The following LY75 variants were observed in gnomAD, a reference collection of about 807,000 sequenced individuals.
The protein encoded by LY75 is C-type lectin domain family 13 member B.
A neutral mutation model predicts 231.7 loss-of-function variants in LY75; 185 were observed. The ratio of observed to expected loss-of-function variants is 0.80; its 90% confidence interval spans 0.71 to 0.90. LY75 has a LOEUF of 0.90. Ranked by LOEUF, LY75 falls within the 40% of genes least tolerant of loss-of-function variation. LY75 has a pLI of 0.00. For missense variants in LY75, 1,947 were observed against 2,050.2 expected, an observed-to-expected ratio of 0.95 and a Z score of 0.97; for synonymous variants, 668 against 689.0, an observed-to-expected ratio of 0.97 and a Z score of 0.48.
Position 159,819,880 on chromosome 2 carries a change from AT to A in LY75, c.3998del (p.Tyr1333LeufsTer11), listed in dbSNP as rs1252504993. The A allele has an allele frequency of 6.2e-7, 1 of 1,613,462 alleles. No homozygotes were observed. Among genetic ancestry groups the A allele is most frequent in the African/African-American group, 1.3e-5 (1 of 74,888 alleles). On this transcript the variant is annotated frameshift_variant, in exon 29 of 35. Coordinates refer to ENST00000263636, the MANE Select transcript of LY75 (RefSeq NM_002349.4). LOFTEE classifies it high-confidence loss of function. ...TTGGTCTTCCTGCTCTCCAATGTGTATATGACAGTGGGGTCTTATCAAACCA... is the reference window on the plus strand; with the variant it reads ...TTGGTCTTCCTGCTCTCCAATGTGTAATGACAGTGGGGTCTTATCAAACCA... ...LMWFDKTPLS[Y>X]THWRAGRPTI... is the part of the protein sequence containing the mutation.
At chr2:159,894,703 A>G (rs116045487) in intron 2 of LY75, among the ~76,000 whole-genome samples, 12 of 152,306 alleles carry the variant, frequency 7.9e-5, no homozygotes, top group Admixed American at 1.3e-4. Flanking sequence ...AAGGCATGGT[A>G]ATTTGGGGTG....
At chr2:159,868,508 A>G (rs1201624881) in intron 13 of LY75, among the ~76,000 whole-genome samples, 1 of 152,218 alleles carries the variant, frequency 6.6e-6, no homozygotes, top group Non-Finnish European at 1.5e-5. Flanking sequence ...TATATTTTCC[A>G]AATTTTATAT....
chr2:159,827,658 C>A (rs187644254), intron 28 of LY75, among the ~76,000 whole-genome samples: 26 of 152,144 alleles, frequency 1.7e-4, no homozygotes, highest in Non-Finnish European at 5.9e-5. Flanking sequence ...TGTATGCACA[C>A]GTATGTTTAT....
chr2:159,837,831 A>G (rs1302468516), intron 25 of LY75, among the ~76,000 whole-genome samples: 2 of 152,148 alleles, frequency 1.3e-5, no homozygotes, highest in Admixed American at 6.5e-5. Context: ...ACATTCACTG[A>G]GGACTTGGTC....
At chr2:159,859,052 C>T (rs1684623225) in intron 15 of LY75, among the ~76,000 whole-genome samples, 1 of 152,124 alleles carries the variant, frequency 6.6e-6, no homozygotes, top group African/African-American at 2.4e-5. Flanking sequence ...AGAACACTGC[C>T]CTGGCTGGGC....
At chr2:159,830,733 C>A (rs1683627825) in intron 28 of LY75, among the ~76,000 whole-genome samples, 1 of 152,052 alleles carries the variant, frequency 6.6e-6, no homozygotes, top group Non-Finnish European at 1.5e-5. Flanking sequence ...AGGCACACGT[C>A]ACCATGCCTG....
At chr2:159,830,862 G>A (rs190974042) in intron 28 of LY75, among the ~76,000 whole-genome samples, 102 of 152,154 alleles carry the variant, frequency 6.7e-4, no homozygotes, top group Middle Eastern at 3.4e-3. Flanking sequence ...GATTACAGGC[G>A]TGGGACGCTA....
At chr2:159,836,606 A>G (rs1683836884) in intron 25 of LY75, among the ~76,000 whole-genome samples, 1 of 152,186 alleles carries the variant, frequency 6.6e-6, no homozygotes, top group Admixed American at 6.5e-5. Flanking sequence ...CTGCATCACT[A>G]GTTTATTTGA....
At position 159,893,566 on chromosome 2, in the gene LY75, A is replaced by G. The variant is rs535919269; in HGVS notation, c.637+348T>C. ...GCTTACTTCCTTCTGTTCATGCTTC[A>G]TTCCACTACAATCCAGCTTCTACCC... On this transcript the variant is annotated intron_variant, in intron 3 of 34. Coordinates refer to ENST00000263636, the MANE Select transcript of LY75 (RefSeq NM_002349.4). Among the ~76,000 whole-genome samples the G allele has an allele frequency of 2.6e-5, 4 of 152,226 alleles. No individual in the cohort carries two copies. In the South Asian group the frequency reaches 8.3e-4, roughly 32 times the overall value.
chr2:159,840,655 G>A, intron 25 of LY75, 74 bp downstream of exon 25: 2 of 1,588,686 alleles, frequency 1.3e-6, no homozygotes, highest in East Asian at 2.3e-5. Context: ...TTAGTCTGCT[G>A]TGAGAGAAGC....
chr2:159,899,175 C>G (rs1013999184), intron 1 of LY75, 116 bp from the exon 2 acceptor site: 2 of 1,502,718 alleles, frequency 1.3e-6, no homozygotes, highest in Non-Finnish European at 1.8e-6. Flanking sequence ...TGTTCCCACT[C>G]TTTTTAAGCT....
chr2:159,861,219 T>C (rs1684690989), intron 14 of LY75, among the ~76,000 whole-genome samples: 1 of 152,160 alleles, frequency 6.6e-6, no homozygotes, highest in Non-Finnish European at 1.5e-5. Context: ...GATTAACTAA[T>C]CTCAGATATG....
intron 7 of LY75, among the ~76,000 whole-genome samples, chr2:159,881,642 A>G (rs1685438728): frequency 6.6e-6 from 1 of 152,198 alleles, no homozygotes; most frequent in Admixed American, 6.5e-5. Flanking sequence ...ACCTACTCTT[A>G]GCTATTCTAG....
chr2:159,874,480 T>A (rs1201443025), intron 12 of LY75, among the ~76,000 whole-genome samples: 3 of 108,320 alleles, frequency 2.8e-5, no homozygotes, highest in Admixed American at 2.2e-4. Context: ...TAAATCTATA[T>A]AAATATGTAC....
chr2:159,831,327 T>C (rs1191799803), intron 28 of LY75, among the ~76,000 whole-genome samples: 1 of 152,228 alleles, frequency 6.6e-6, no homozygotes, highest in Non-Finnish European at 1.5e-5. Context: ...GACATGATTG[T>C]AAGTTTCCTG....
intron 13 of LY75, among the ~76,000 whole-genome samples, chr2:159,865,915 G>A (rs1289791016): frequency 6.6e-6 from 1 of 152,092 alleles, no homozygotes; most frequent in Non-Finnish European, 1.5e-5. Context: ...TAAATATCCA[G>A]CATAAGTAGA....
intron 16 of LY75, among the ~76,000 whole-genome samples, chr2:159,856,801 A>AT (rs143356927): frequency 0.012 from 1,771 of 152,198 alleles, 24 homozygotes; most frequent in African/African-American, 0.04. Flanking sequence ...TATTAAAAAA[A>AT]ATATATATAC....
intron 30 of LY75, among the ~76,000 whole-genome samples, chr2:159,815,871 C>A (rs925015454): frequency 7.9e-5 from 12 of 152,242 alleles, no homozygotes; most frequent in Admixed American, 7.2e-4. Context: ...AAACAACATG[C>A]AAATGGCTTC....
rs977131429 is a variant in LY75, at chr2:159,852,270, T to TA, written c.2813dup (p.Leu938PhefsTer11). On this transcript the variant is annotated frameshift_variant, in exon 21 of 35. Coordinates refer to ENST00000263636, the MANE Select transcript of LY75 (RefSeq NM_002349.4). LOFTEE classifies it high-confidence loss of function. ...CTGCAGAATCTGGGCTGTATTTCTC[T>TA]AACGAAGAAACATTATATTTTTCAC... The TA allele has an allele frequency of 1.2e-6, 2 of 1,613,996 alleles. No individual in the cohort carries two copies. The highest frequency in any genetic ancestry group is 1.7e-6 in the Non-Finnish European group (2 of 1,179,992).
Sources: gnomAD v4.1 joint callset for allele counts (sites outside exome capture counted in the v4.1 genomes callset) on GRCh38, gnomAD v4.1.1 for gene constraint, MANE v1.5 for transcripts, NCBI Gene and HGNC (gene_info 2026-07-23, HGNC 2026-07-21) for gene names.